POLH: variants seen among roughly 807,000 people sequenced by gnomAD.
POLH encodes DNA polymerase eta, also known as DNA polymerase eta transcript.
In POLH, 53 loss-of-function variants were observed where a neutral mutation model predicts 73.6. The observed-to-expected ratio is 0.72, with a 90% confidence interval of 0.58 to 0.91. The LOEUF (loss-of-function observed/expected upper bound fraction) is 0.91, where lower values mean the gene tolerates loss of function less well. Among genes scored for constraint, POLH ranks in the 40% least tolerant of loss-of-function variants. POLH has a pLI of 0.00. For synonymous variants in POLH, 292 were observed against 308.5 expected, an observed-to-expected ratio of 0.95 and a Z score of 0.56; for missense variants, 768 against 865.4, an observed-to-expected ratio of 0.89 and a Z score of 1.41.
intron 5 of POLH, among the ~76,000 whole-genome samples, chr6:43,598,982 ATTTTTTTT>A (rs938691033): frequency 1.8e-5 from 2 of 108,136 alleles, no homozygotes; most frequent in African/African-American, 7.4e-5. Flanking sequence ...CACTTGCTGA[ATTTTTTTT>A]TTTTTTTTTT....
chr6:43,587,632 C>T (rs1764973325), intron 4 of POLH, 143 bp downstream of exon 4: 1 of 721,186 alleles, frequency 1.4e-6, no homozygotes. Context: ...GAAGGATATA[C>T]AAATTTTCTT....
chr6:43,601,649 G>A (rs1030089154), intron 6 of POLH, among the ~76,000 whole-genome samples: 5 of 152,198 alleles, frequency 3.3e-5, no homozygotes, highest in South Asian at 2.1e-4. Context: ...TGAGCCAGGT[G>A]TGGTGGCTCA....
At chr6:43,589,941 G>T (rs1239860281) in intron 4 of POLH, among the ~76,000 whole-genome samples, 1 of 151,470 alleles carries the variant, frequency 6.6e-6, no homozygotes, top group East Asian at 1.9e-4. Flanking sequence ...TTTTTTTAAT[G>T]AATTCATTTT....
At chr6:43,605,373 T>A in intron 9 of POLH, 54 bp downstream of exon 9, 1 of 860,432 alleles carries the variant, frequency 1.2e-6, no homozygotes, top group Non-Finnish European at 2.0e-6. Flanking sequence ...ACATATCAGC[T>A]GCTCTTTACC....
chr6:43,593,915 T>G (rs1340990877), intron 4 of POLH, among the ~76,000 whole-genome samples: 1 of 151,110 alleles, frequency 6.6e-6, no homozygotes, highest in Non-Finnish European at 1.5e-5. Context: ...AAAGAAAAGT[T>G]TTTTCTCAGC....
chr6:43,603,740 C>A (rs930718221), intron 6 of POLH, 152 bp from the exon 7 acceptor site: 1 of 736,710 alleles, frequency 1.4e-6, no homozygotes, highest in Non-Finnish European at 2.4e-6. Flanking sequence ...TTCTCAAATT[C>A]TAACTCCCAG....
rs192697630 is a variant in POLH at position 43,608,247 on chromosome 6, A to G, written c.1075-2307A>G. Among the ~76,000 whole-genome samples the G allele has an allele frequency of 1.1e-3, 161 of 152,260 alleles. 1 individual carries two copies. The highest frequency in any genetic ancestry group is 4.1e-3 in the South Asian group (20 of 4,824). ...ACGTGATTTGCAAATATTTTCTCCC[A>G]TTCTGTGGGTTTTCTTCTCACTTTC... is the stretch of plus-strand genomic sequence containing the variant. On this transcript the variant is annotated intron_variant, in intron 9 of 10. Coordinates refer to ENST00000372236, the MANE Select transcript of POLH (RefSeq NM_006502.3).
At chr6:43,585,766 C>T (rs1019591839) in intron 3 of POLH, among the ~76,000 whole-genome samples, 6 of 151,518 alleles carry the variant, frequency 4.0e-5, no homozygotes, top group African/African-American at 1.5e-4. Context: ...CTGCCTCAGC[C>T]TCCCGAGTAG....
In POLH at chr6:43,612,020, C is replaced by T. The variant is rs532662327; in HGVS notation, c.1244+1297C>T. 3.2e-3 allele frequency among the ~76,000 whole-genome samples: 484 copies of T among 152,196 alleles called. 3 individuals carry two copies. Among genetic ancestry groups the T allele is most frequent in the Non-Finnish European group, 4.2e-3 (284 of 68,018 alleles). On this transcript the variant is annotated intron_variant, in intron 10 of 10. Transcript: ENST00000372236. The stretch of plus-strand genomic sequence containing the variant: ...GCGGTGAGCCGAGATTGCGCCATTG[C>T]ACTCCAGCCTGGGCAACAAGAGCGA...
At chr6:43,593,511 A>G (rs1481994279) in intron 4 of POLH, among the ~76,000 whole-genome samples, 1 of 152,236 alleles carries the variant, frequency 6.6e-6, no homozygotes, top group Non-Finnish European at 1.5e-5. Flanking sequence ...GAAAGTATAC[A>G]AGTAGATCCC....
intron 9 of POLH, among the ~76,000 whole-genome samples, chr6:43,606,861 TA>T (rs952799253): frequency 6.6e-6 from 1 of 152,314 alleles, no homozygotes; most frequent in African/African-American, 2.4e-5. Context: ...AGAGCATTTT[TA>T]TCACCCCCCA....
rs1485263763 is a variant in POLH at position 43,617,937 on chromosome 6, T to C, written c.*3380T>C. Among the ~76,000 whole-genome samples, 1 of 151,860 alleles carries C rather than the reference T, an allele frequency of 6.6e-6. No individual in the cohort carries two copies. The highest frequency in any genetic ancestry group is 1.5e-5 in the Non-Finnish European group (1 of 67,972). ...GTCTCAAAAAAAAAAAAATTCCCAATGTGTATCTTAAAGTTTGAGAAATGC... is the reference window on the plus strand; with the variant it reads ...GTCTCAAAAAAAAAAAAATTCCCAACGTGTATCTTAAAGTTTGAGAAATGC... On this transcript the variant is annotated 3_prime_UTR_variant, in exon 11 of 11. Coordinates refer to ENST00000372236, the MANE Select transcript of POLH (RefSeq NM_006502.3).
Position 43,619,678 on chromosome 6 carries a change from T to C in POLH, c.*5121T>C, listed in dbSNP as rs1199969278. On this transcript the variant is annotated 3_prime_UTR_variant, in exon 11 of 11. Transcript: ENST00000372236. Reference sequence around the variant, plus strand: ...TGTCTTATTAAGTACTGAAATGTGATTTTCCAAAATTTTCTTTACAATACA... The same window carrying C: ...TGTCTTATTAAGTACTGAAATGTGACTTTCCAAAATTTTCTTTACAATACA... Among the ~76,000 whole-genome samples, 3 of 152,180 alleles carry C rather than the reference T, an allele frequency of 2.0e-5. No homozygotes were observed. The highest frequency in any genetic ancestry group is 7.2e-5 in the African/African-American group (3 of 41,448).
intron 10 of POLH, among the ~76,000 whole-genome samples, chr6:43,613,210 G>A (rs1768081706): frequency 6.6e-6 from 1 of 152,138 alleles, no homozygotes; most frequent in Non-Finnish European, 1.5e-5. Flanking sequence ...GTTAGGTAGT[G>A]CCCTGTTTAA....
intron 6 of POLH, among the ~76,000 whole-genome samples, chr6:43,603,078 T>G (rs911825046): frequency 1.4e-5 from 2 of 146,042 alleles, no homozygotes; most frequent in African/African-American, 5.1e-5. Flanking sequence ...AAGAGCTCAC[T>G]GCAGCCTTAA....
chr6:43,585,070 G>T (rs974312079), intron 3 of POLH, among the ~76,000 whole-genome samples: 1 of 152,058 alleles, frequency 6.6e-6, no homozygotes, highest in African/African-American at 2.4e-5. Flanking sequence ...GAGGTGGGAG[G>T]GTCGCTTGAG....
chr6:43,583,150 A>T lies in POLH; in HGVS notation c.272+9A>T. ...AAAGCTAACCTCACCAAGTAAGAAAAAAACATTATTTAAGGAGACATAAAG... is the reference window on the plus strand; with the variant it reads ...AAAGCTAACCTCACCAAGTAAGAAATAAACATTATTTAAGGAGACATAAAG... On this transcript the variant is annotated intron_variant, in intron 3 of 10. Transcript: ENST00000372236. The T allele has an allele frequency of 1.2e-6, 2 of 1,613,602 alleles. No homozygotes were observed. The highest frequency in any genetic ancestry group is 1.7e-6 in the Non-Finnish European group (2 of 1,179,566).
intron 4 of POLH, among the ~76,000 whole-genome samples, chr6:43,587,750 C>T (rs1186632771): frequency 3.3e-5 from 5 of 152,154 alleles, no homozygotes; most frequent in African/African-American, 7.2e-5. Flanking sequence ...AGGCAGAGAC[C>T]TGGCGCGGTG....
rs1028819628 is a variant in POLH at position 43,610,489 on chromosome 6, T to A, written c.1075-65T>A. 5 of 1,338,756 alleles carry A rather than the reference T, an allele frequency of 3.7e-6. No homozygotes were observed. In the Admixed American group the frequency reaches 8.4e-5, roughly 22 times the overall value. The allele number at this position is 1,338,756 out of a possible 1,614,324, so 82.9% of individuals were successfully genotyped here. On this transcript the variant is annotated intron_variant, in intron 9 of 10. Transcript: ENST00000372236. ...TTCTTTTAATTTCCTCTCCTGCAGTTCAGTACCTAGAATTCAGATGCTCCT... is the reference window on the plus strand; with the variant it reads ...TTCTTTTAATTTCCTCTCCTGCAGTACAGTACCTAGAATTCAGATGCTCCT...
Sources: allele counts gnomAD v4.1 joint callset (sites outside exome capture counted in the v4.1 genomes callset), GRCh38; gene constraint gnomAD v4.1.1; transcripts MANE v1.5; gene names NCBI Gene and HGNC (gene_info 2026-07-23, HGNC 2026-07-21).